NTM: variants seen among roughly 807,000 people sequenced by gnomAD.
NTM encodes the protein neurotrimin.
Under a neutral mutation model 42.1 loss-of-function variants are expected in NTM, and 13 were observed. That is an observed-to-expected ratio of 0.31 (90% CI 0.20 to 0.49). The LOEUF (loss-of-function observed/expected upper bound fraction) is 0.49. NTM is among the 20% of genes least tolerant of loss of function. The pLI, the probability that NTM is intolerant of heterozygous loss-of-function variation, is 0.99. For missense variants in NTM, 373 were observed against 452.8 expected (o/e 0.82, Z 1.60); for synonymous variants, 187 against 179.2 (o/e 1.04, Z -0.35).
intron 1 of NTM, among the ~76,000 whole-genome samples, chr11:131,572,170 C>CA (rs1468794357): frequency 6.6e-6 from 1 of 152,136 alleles, no homozygotes; most frequent in African/African-American, 2.4e-5. Flanking sequence ...ACACACAGGG[C>CA]AGCCTTTCTC....
intron 1 of NTM, among the ~76,000 whole-genome samples, chr11:131,610,635 A>G (rs954833764): frequency 6.6e-6 from 1 of 152,204 alleles, no homozygotes; most frequent in African/African-American, 2.4e-5. Flanking sequence ...GGAAGCATTC[A>G]GGAGAAGCTC....
At chr11:131,613,090 C>T (rs939652791) in intron 1 of NTM, among the ~76,000 whole-genome samples, 2 of 152,250 alleles carry the variant, frequency 1.3e-5, no homozygotes, top group Non-Finnish European at 2.9e-5. Flanking sequence ...ATTCAAGCTT[C>T]TCTTCCTCCA....
rs115563354 is a variant in NTM at position 132,252,068 on chromosome 11, C to T, written c.526+39921C>T. ...TGAAAGCAGGTTTGTCCTTGGAGCA[C>T]TCCCTGCCATAAGCCCCTCAGCCTC... On this transcript the variant is annotated intron_variant, in intron 4 of 8. Transcript: ENST00000683400. Among the ~76,000 whole-genome samples, 800 of 152,296 alleles carry T rather than the reference C, an allele frequency of 5.3e-3. 7 individuals are homozygous for T. The highest frequency in any genetic ancestry group is 0.018 in the African/African-American group (751 of 41,572).
intron 4 of NTM, among the ~76,000 whole-genome samples, chr11:132,257,766 A>G (rs1048867547): frequency 6.6e-6 from 1 of 152,250 alleles, no homozygotes; most frequent in Non-Finnish European, 1.5e-5. Flanking sequence ...TATGTGTGGC[A>G]GGGCCAGGAT....
chr11:131,383,776 AC>A (rs1172231434), intron 1 of NTM, among the ~76,000 whole-genome samples: 1 of 152,184 alleles, frequency 6.6e-6, no homozygotes, highest in African/African-American at 2.4e-5. Context: ...TAGTGGCCAA[AC>A]AACATGATTT....
At chr11:132,181,237 CCTT>C (rs2077532790) in intron 3 of NTM, among the ~76,000 whole-genome samples, 1 of 152,178 alleles carries the variant, frequency 6.6e-6, no homozygotes, top group Admixed American at 6.5e-5. Context: ...CCACCTTAAT[CCTT>C]CTCATGAGTC....
chr11:131,793,010 TGAGTGGACA>T (rs1375806493), intron 1 of NTM, among the ~76,000 whole-genome samples: 4 of 152,194 alleles, frequency 2.6e-5, no homozygotes, highest in African/African-American at 9.7e-5. Flanking sequence ...ATATGGAAGG[TGAGTGGACA>T]GAGTCCCATT....
intron 1 of NTM, among the ~76,000 whole-genome samples, chr11:131,374,485 G>A (rs369406850): frequency 8.5e-5 from 13 of 152,164 alleles, no homozygotes; most frequent in African/African-American, 2.2e-4. Context: ...CCCAGATCTC[G>A]TCTTATCAGC....
At chr11:131,994,038 C>G (rs1162510673) in intron 2 of NTM, among the ~76,000 whole-genome samples, 2 of 128,742 alleles carry the variant, frequency 1.6e-5, no homozygotes, top group Non-Finnish European at 1.7e-5. Context: ...AGAAGAAGAA[C>G]AAAGACATAA....
Position 131,604,021 on chromosome 11 carries a change from A to G in NTM, c.82+233133A>G, listed in dbSNP as rs374151539. On this transcript the variant is annotated intron_variant, in intron 1 of 8. Coordinates refer to ENST00000683400, the MANE Select transcript of NTM (RefSeq NM_001352005.2). ...TGCTTGTACAAGTTTTAGTGTAGAC[A>G]TATATTTTTATATCTCTTTAGTATT... Among the ~76,000 whole-genome samples the G allele has an allele frequency of 2.6e-4, 39 of 152,294 alleles. 1 individual carries two copies. In the South Asian group the frequency reaches 7.9e-3, roughly 31 times the overall value.
chr11:131,987,378 C>CCTATTTTATTCTATTCTATT (rs1555206526), intron 2 of NTM, among the ~76,000 whole-genome samples: 2 of 147,802 alleles, frequency 1.4e-5, no homozygotes, highest in African/African-American at 5.0e-5. Flanking sequence ...TCCTATTCCT[C>CCTATTTTATTCTATTCTATT]CTATTCTATT....
At chr11:131,725,703 A>G in intron 1 of NTM, among the ~76,000 whole-genome samples, 1 of 152,210 alleles carries the variant, frequency 6.6e-6, no homozygotes, top group East Asian at 1.9e-4. Flanking sequence ...AGGGCCTTGA[A>G]GGCTGTTACA....
chr11:131,804,181 T>C (rs1317759444), intron 1 of NTM, among the ~76,000 whole-genome samples: 1 of 152,218 alleles, frequency 6.6e-6, no homozygotes, highest in Non-Finnish European at 1.5e-5. Flanking sequence ...AATTAGTTAA[T>C]CACTCTCCCT....
chr11:131,865,892 ATT>A (rs2047109897), intron 1 of NTM, among the ~76,000 whole-genome samples: 2 of 125,122 alleles, frequency 1.6e-5, no homozygotes, highest in African/African-American at 3.1e-5. Context: ...CACCTCCCAC[ATT>A]CACACATGCT....
chr11:132,216,866 C>T (rs1228223526), intron 4 of NTM, among the ~76,000 whole-genome samples: 11 of 152,196 alleles, frequency 7.2e-5, no homozygotes, highest in South Asian at 4.1e-4. Flanking sequence ...TTCTGGCTGG[C>T]GAGTCTCCAG....
Position 131,969,310 on chromosome 11 carries a change from G to A in NTM, c.167+57662G>A, listed in dbSNP as rs117304375. On this transcript the variant is annotated intron_variant, in intron 2 of 8. Transcript: ENST00000683400. ...AGGTGGGGGCTTCATGAGAGCTGGA[G>A]GTGATCGAAGACAGGTCACATTCTC... is the stretch of plus-strand genomic sequence containing the variant. 5.6e-4 allele frequency among the ~76,000 whole-genome samples: 85 copies of A among 152,256 alleles called. No homozygotes were observed. The East Asian group carries it at 0.012, about 21-fold the overall frequency.
At chr11:131,572,673 C>G in intron 1 of NTM, among the ~76,000 whole-genome samples, 1 of 152,150 alleles carries the variant, frequency 6.6e-6, no homozygotes, top group African/African-American at 2.4e-5. Context: ...GCTCAGACAT[C>G]CCCACAGAGG....
At chr11:131,933,383 A>C (rs959166713) in intron 2 of NTM, among the ~76,000 whole-genome samples, 9 of 152,152 alleles carry the variant, frequency 5.9e-5, no homozygotes, top group African/African-American at 2.2e-4. Context: ...TTTTCCAAAC[A>C]CCTTGTGTTT....
chr11:131,609,281 T>A (rs2061277147), intron 1 of NTM, among the ~76,000 whole-genome samples: 1 of 152,218 alleles, frequency 6.6e-6, no homozygotes, highest in African/African-American at 2.4e-5. Flanking sequence ...TAGGCCTGGG[T>A]TGCTTGAGAT....
Sources: gnomAD v4.1 joint callset for allele counts (sites outside exome capture counted in the v4.1 genomes callset) on GRCh38, gnomAD v4.1.1 for gene constraint, MANE v1.5 for transcripts, NCBI Gene and HGNC (gene_info 2026-07-23, HGNC 2026-07-21) for gene names.